Variants in KSR2 observed in about 807,000 individuals in gnomAD.
KSR2 encodes the protein kinase suppressor of ras 2.
A neutral mutation model predicts 107.8 loss-of-function variants in KSR2; 25 were observed. The observed-to-expected ratio is 0.23, with a 90% CI of 0.17 to 0.32. The LOEUF (loss-of-function observed/expected upper bound fraction) is 0.32, where lower values mean the gene tolerates loss of function less well. KSR2 is among the 10% of genes least tolerant of loss of function. The pLI, the probability that KSR2 is intolerant of heterozygous loss-of-function variation, is 1.00. For missense variants in KSR2, 887 were observed against 1,268.9 expected, an observed-to-expected ratio of 0.70 and a Z score of 4.57; for synonymous variants, 480 against 507.0, an observed-to-expected ratio of 0.95 and a Z score of 0.71.
At chr12:117,525,923 G>A (rs1190784991) in intron 13 of KSR2, among the ~76,000 whole-genome samples, 1 of 152,196 alleles carries the variant, frequency 6.6e-6, no homozygotes, top group East Asian at 1.9e-4. Context: ...CAGACAAAGA[G>A]AGCTGAAATC....
chr12:117,837,022 T>C (rs1188986846), intron 3 of KSR2, among the ~76,000 whole-genome samples: 1 of 152,218 alleles, frequency 6.6e-6, no homozygotes, highest in Non-Finnish European at 1.5e-5. Flanking sequence ...CTCCTCTTAA[T>C]TGGTCTTGCA....
chr12:117,945,260 A>T (rs1896145753), intron 1 of KSR2, among the ~76,000 whole-genome samples: 1 of 152,240 alleles, frequency 6.6e-6, no homozygotes, highest in Non-Finnish European at 1.5e-5. Context: ...ACAGCAGAAC[A>T]TGCATTCTTT....
Position 117,788,260 on chromosome 12 carries a change from T to A in KSR2, c.473-26736A>T, listed in dbSNP as rs1432002063. On this transcript the variant is annotated intron_variant, in intron 3 of 19. Transcript: ENST00000339824. ...TTCATAAGGTCAGCAACTCCCTGTA[T>A]CTAGAAGACTTGGAGGAAAGGCTGA... 5.3e-5 allele frequency among the ~76,000 whole-genome samples: 8 copies of A among 152,222 alleles called. 1 individual carries two copies. Among genetic ancestry groups the A allele is most frequent in the Admixed American group, 5.2e-4 (8 of 15,276 alleles).
At chr12:117,571,586 G>T (rs1302537110) in intron 7 of KSR2, among the ~76,000 whole-genome samples, 1 of 152,136 alleles carries the variant, frequency 6.6e-6, no homozygotes, top group East Asian at 1.9e-4. Context: ...CTGGAAATCT[G>T]ATCAGAACAC....
intron 1 of KSR2, among the ~76,000 whole-genome samples, chr12:117,910,156 G>C (rs1894971045): frequency 6.6e-6 from 1 of 152,104 alleles, no homozygotes; most frequent in Non-Finnish European, 1.5e-5. Flanking sequence ...ACTTTAGCCT[G>C]GGAGTTTGAG....
intron 5 of KSR2, among the ~76,000 whole-genome samples, chr12:117,599,162 GC>G (rs1412529463): frequency 6.6e-6 from 1 of 152,144 alleles, no homozygotes; most frequent in Non-Finnish European, 1.5e-5. Context: ...TAACTTGTGT[GC>G]CAACTTAATG....
At chr12:117,712,665 A>G (rs150017976) in intron 4 of KSR2, among the ~76,000 whole-genome samples, 1 of 152,320 alleles carries the variant, frequency 6.6e-6, no homozygotes, top group East Asian at 1.9e-4. Flanking sequence ...CTACTTCTAG[A>G]ATACCTTCAG....
intron 3 of KSR2, among the ~76,000 whole-genome samples, chr12:117,841,804 C>T (rs1028768387): frequency 1.3e-5 from 2 of 152,230 alleles, no homozygotes; most frequent in Non-Finnish European, 2.9e-5. Context: ...AGGGCTCTAC[C>T]TTTCTGAGCC....
chr12:117,656,294 T>C (rs958357739), intron 5 of KSR2, among the ~76,000 whole-genome samples: 1 of 152,166 alleles, frequency 6.6e-6, no homozygotes, highest in African/African-American at 2.4e-5. Flanking sequence ...GAGTTAGAGG[T>C]TGGTGCATTT....
chr12:117,751,602 A>G (rs886609180), intron 4 of KSR2, among the ~76,000 whole-genome samples: 4 of 152,190 alleles, frequency 2.6e-5, no homozygotes, highest in African/African-American at 9.6e-5. Flanking sequence ...AAGTAGCATG[A>G]CTGTTGTAAC....
chr12:117,696,547 G>T (rs1423084463), intron 4 of KSR2, among the ~76,000 whole-genome samples: 1 of 151,910 alleles, frequency 6.6e-6, no homozygotes, highest in Non-Finnish European at 1.5e-5. Context: ...TACAAAGTAG[G>T]GGGGCTTGGG....
chr12:117,687,094 C>T (rs868169970), intron 4 of KSR2, among the ~76,000 whole-genome samples: 2 of 152,170 alleles, frequency 1.3e-5, no homozygotes, highest in South Asian at 2.1e-4. Context: ...CTCAAAGCGG[C>T]GATTCTGTGA....
At chr12:117,513,023 C>G (rs372989160) in intron 14 of KSR2, among the ~76,000 whole-genome samples, 1 of 152,222 alleles carries the variant, frequency 6.6e-6, no homozygotes, top group Non-Finnish European at 1.5e-5. Context: ...CCCCTCCCCC[C>G]GCAAAAAAAT....
At chr12:117,950,678 T>C (rs1000856945) in intron 1 of KSR2, among the ~76,000 whole-genome samples, 7 of 149,214 alleles carry the variant, frequency 4.7e-5, no homozygotes, top group African/African-American at 1.7e-4. Flanking sequence ...GAGGTGGAGG[T>C]TGCAGTGAGC....
rs185432258 is a variant in KSR2 at position 117,897,425 on chromosome 12, G to A, written c.181-36994C>T. On this transcript the variant is annotated intron_variant, in intron 1 of 19. Coordinates refer to ENST00000339824, the MANE Select transcript of KSR2 (RefSeq NM_173598.6). This position sits in a 1 kb window ranked among gnomAD's most constrained non-coding sequence, Gnocchi z 4.5. ...GCCTACCCAGCACTCTCCATTATCA[G>A]TAGGCATGAAAGGTTGACTAGGAAA... Among the ~76,000 whole-genome samples, 4 of 152,256 alleles carry A rather than the reference G, an allele frequency of 2.6e-5. No homozygotes were observed. The East Asian group carries it at 5.8e-4, about 22-fold the overall frequency.
intron 5 of KSR2, among the ~76,000 whole-genome samples, chr12:117,585,810 G>A (rs1879952086): frequency 6.6e-6 from 1 of 152,214 alleles, no homozygotes; most frequent in Non-Finnish European, 1.5e-5. Context: ...CTGATAACAA[G>A]TCATGCAGAC....
intron 5 of KSR2, among the ~76,000 whole-genome samples, chr12:117,607,686 G>A (rs1359039951): frequency 6.6e-6 from 1 of 151,832 alleles, no homozygotes; most frequent in Non-Finnish European, 1.5e-5. Context: ...GGAGAGGAGA[G>A]GAGAGGAGAG....
intron 1 of KSR2, among the ~76,000 whole-genome samples, chr12:117,960,623 T>C (rs942976908): frequency 1.3e-5 from 2 of 152,122 alleles, no homozygotes; most frequent in Admixed American, 6.6e-5. Flanking sequence ...TCAGGCAAGA[T>C]CTGCAGAACT....
chr12:117,652,165 T>C (rs117970643), intron 5 of KSR2, among the ~76,000 whole-genome samples: 11,261 of 152,030 alleles, frequency 0.074, 568 homozygotes, highest in Admixed American at 0.15. Flanking sequence ...AGGGGCAGTG[T>C]GGGAGGGGGG....
Sources: allele counts gnomAD v4.1 joint callset (sites outside exome capture counted in the v4.1 genomes callset), GRCh38; gene constraint gnomAD v4.1.1; non-coding constraint Gnocchi (gnomAD v3.1); transcripts MANE v1.5; gene names NCBI Gene and HGNC (gene_info 2026-07-23, HGNC 2026-07-21).